The following TTN variants were observed in gnomAD, a reference collection of about 807,000 sequenced individuals.
TTN encodes the protein titin.
Under a neutral mutation model 3,223.0 loss-of-function variants are expected in TTN, and 1,525 were observed. The ratio of observed to expected loss-of-function variants is 0.47; its 90% confidence interval spans 0.45 to 0.49. The LOEUF is 0.49. Ranked by LOEUF, TTN falls within the 20% of genes least tolerant of loss-of-function variation. TTN has a pLI of 0.00. For missense variants in TTN, 40,786 were observed against 43,424.0 expected (o/e 0.94, Z 5.40); for synonymous variants, 14,094 against 15,161.0 (o/e 0.93, Z 5.17).
At position 178,727,293 on chromosome 2, in the gene TTN, A is replaced by G; in HGVS notation, c.20072T>C (p.Ile6691Thr). Residue 6691 changes from isoleucine (I) to threonine (T), a missense_variant, in exon 69 of 363, where the codon ATA becomes ACA. Transcript: ENST00000589042. The stretch of plus-strand genomic sequence containing the variant: ...AACTCTGATTTCTGGGGATCCAGCT[A>G]TCTTGCATTCAAGTCGTGAAGAGTC... Reference protein sequence around the residue: ...AGDSSRLECKIAGSPEIRVVW... With the variant: ...AGDSSRLECKTAGSPEIRVVW... 6.2e-7 allele frequency: 1 copy of G among 1,613,070 alleles called. No homozygotes were observed. Among genetic ancestry groups the G allele is most frequent in the Middle Eastern group, 1.7e-4 (1 of 6,052 alleles).
chr2:178,779,177 C>T (rs1287605481), intron 23 of TTN, 52 bp downstream of exon 23: 2 of 1,612,560 alleles, frequency 1.2e-6, no homozygotes, highest in Admixed American at 3.3e-5. Context: ...ATATTTTAAC[C>T]AATTTGTATC....
At chr2:178,642,112 C>A in intron 219 of TTN, 125 bp downstream of exon 219, 8 of 709,710 alleles carry the variant, frequency 1.1e-5, no homozygotes, top group South Asian at 7.3e-5. Flanking sequence ...AATGAAACTA[C>A]AAACAAATTT....
At position 178,557,901 on chromosome 2, in the gene TTN, A is replaced by T. The variant is rs755805590; in HGVS notation, c.87453T>A (p.Thr29151=). 5 of 1,613,610 alleles carry T rather than the reference A, an allele frequency of 3.1e-6. No individual in the cohort carries two copies. Among genetic ancestry groups the T allele is most frequent in the Non-Finnish European group, 4.2e-6 (5 of 1,179,846 alleles). ...CCCATTTGAGAGTCACACTTTCTTC[A>T]GTTATATCACTAATAACAACAGGGC... ...PTGPVVISDI[T]EESVTLKWEP... Residue 29151 remains threonine (T), a synonymous_variant, in exon 328 of 363, where the codon ACT becomes ACA. Coordinates refer to ENST00000589042, the MANE Select transcript of TTN (RefSeq NM_001267550.2).
chr2:178,751,731 C>A (rs754287881), intron 47 of TTN: 13 of 1,613,080 alleles, frequency 8.1e-6, no homozygotes, highest in Non-Finnish European at 1.0e-5. Context: ...TGGTGTAAAT[C>A]ACTCTCAGCT....
At position 178,683,971 on chromosome 2, in the gene TTN, T is replaced by A. The variant is rs763748674; in HGVS notation, c.32806+28A>T. 1.2e-5 allele frequency: 17 copies of A among 1,432,788 alleles called. No individual in the cohort carries two copies. The East Asian group carries it at 1.4e-4, about 12-fold the overall frequency. The allele number at this position is 1,432,788 out of a possible 1,614,324, so 88.8% of individuals were successfully genotyped here. A position where few individuals can be genotyped will look rare whatever the true frequency, so the allele number is the denominator to read the frequency against. On this transcript the variant is annotated intron_variant, in intron 133 of 362. Coordinates refer to ENST00000589042, the MANE Select transcript of TTN (RefSeq NM_001267550.2). ...TAGTGTCTGGATGCTTATTTTGATT[T>A]TTTTTTTTTTTTTAAGAGTCAGTAT...
chr2:178,598,882 G>T lies in TTN; in HGVS notation c.56828C>A (p.Thr18943Asn). The T allele has an allele frequency of 1.9e-6, 3 of 1,613,178 alleles. No homozygotes were observed. Among genetic ancestry groups the T allele is most frequent in the Non-Finnish European group, 2.5e-6 (3 of 1,179,512 alleles). Residue 18943 changes from threonine to asparagine, a missense_variant, in exon 291 of 363, where the codon ACT (threonine) becomes AAT (asparagine). Physicochemically the swap from Thr to Asn is moderately conservative, Grantham distance 65. Coordinates refer to ENST00000589042, the MANE Select transcript of TTN (RefSeq NM_001267550.2). ...AGTCACTTTATAAGAAACACCCAAA[G>T]TCATGGCTTTGATAGGATCTCGGTT... ...RVNRDPIKAM[T>N]LGVSYKVTGL... is the part of the protein sequence containing the mutation.
rs1384626629 is a variant in TTN at position 178,631,025 on chromosome 2, T to C, written c.44014+9A>G. Reference sequence around the variant, plus strand: ...GCTTCAAGAGTGAAACTCATGGAAATTTCCTTACCCTCAATGTCAAGTTTT... The same window carrying C: ...GCTTCAAGAGTGAAACTCATGGAAACTTCCTTACCCTCAATGTCAAGTTTT... On this transcript the variant is annotated intron_variant, in intron 237 of 362. Transcript: ENST00000589042. 1 of 1,612,884 alleles carries C rather than the reference T, an allele frequency of 6.2e-7. No individual in the cohort carries two copies. The highest frequency in any genetic ancestry group is 8.5e-7 in the Non-Finnish European group (1 of 1,179,494).
In TTN at chr2:178,723,933, G is replaced by A. The variant is rs368530326; in HGVS notation, c.21326C>T (p.Ser7109Leu). 51 of 1,613,526 alleles carry A rather than the reference G, an allele frequency of 3.2e-5. No homozygotes were observed. The highest frequency in any genetic ancestry group is 4.2e-5 in the Non-Finnish European group (50 of 1,179,592). Residue 7109 changes from serine to leucine, a missense_variant, in exon 73 of 363, where the codon TCA becomes TTA. Coordinates refer to ENST00000589042, the MANE Select transcript of TTN (RefSeq NM_001267550.2). Reference sequence around the variant, plus strand: ...CACGCATGTGTAATTGCCCATATCTGAGGAATCCAGAGAATTCAACTGCAA... The same window carrying A: ...CACGCATGTGTAATTGCCCATATCTAAGGAATCCAGAGAATTCAACTGCAA... Reference protein sequence around the residue: ...CTLQLNSLDSSDMGNYTCVAA... With the variant: ...CTLQLNSLDSLDMGNYTCVAA...
chr2:178,653,825 A>G lies in TTN; in HGVS notation c.38537T>C (p.Ile12846Thr). The stretch of plus-strand genomic sequence containing the variant: ...TCAGGGCTAAAGTGTACCTGGGACA[A>G]TTGGAGCTTCTGGTTTTTTGGGTGG... ...VAPPKKPEAPIVPVPEAQEVV... is the reference protein window; with the variant it reads ...VAPPKKPEAPTVPVPEAQEVV... Residue 12846 changes from isoleucine to threonine, a missense_variant, in exon 195 of 363, where the codon ATT (isoleucine) becomes ACT (threonine). Transcript: ENST00000589042. 6.3e-7 allele frequency: 1 copy of G among 1,594,006 alleles called. No homozygotes were observed. The highest frequency in any genetic ancestry group is 8.5e-7 in the Non-Finnish European group (1 of 1,178,962).
chr2:178,717,021 A>G (rs1457124396), intron 88 of TTN, 74 bp downstream of exon 88: 4 of 1,494,740 alleles, frequency 2.7e-6, no homozygotes, highest in Non-Finnish European at 2.7e-6. Flanking sequence ...CTCTCTCTCA[A>G]GCACACCCAC....
At position 178,603,279 on chromosome 2, in the gene TTN, T is replaced by C. The variant is rs189138311; in HGVS notation, c.54811+597A>G. Among the ~76,000 whole-genome samples, 277 of 152,124 alleles carry C rather than the reference T, an allele frequency of 1.8e-3. 5 individuals are homozygous for C. The South Asian group carries it at 0.024, about 13-fold the overall frequency. On this transcript the variant is annotated intron_variant, in intron 282 of 362. Coordinates refer to ENST00000589042, the MANE Select transcript of TTN (RefSeq NM_001267550.2). ...TATTTAAAATTTTCTTTTTAACAAA[T>C]AATTGAATTTTTCTTCTATAGAGAA...
chr2:178,695,974 T>A lies in TTN; in HGVS notation c.31098A>T (p.Glu10366Asp). ...VHEEWEEDFE[E>D]GQEYYEREEG... ...CTTCCCTTTCATAGTATTCTTGCCCTTCTTCAAAATCTTCTTCCCATTCCT... is the reference window on the plus strand; with the variant it reads ...CTTCCCTTTCATAGTATTCTTGCCCATCTTCAAAATCTTCTTCCCATTCCT... The change falls in exon 114 of 363, where the codon GAA becomes GAT. Residue 10366 changes from glutamate (E) to aspartate (D), a missense_variant. By Grantham distance (45) the Glu-to-Asp change is conservative. Transcript: ENST00000589042. The A allele has an allele frequency of 6.5e-7, 1 of 1,545,916 alleles. No individual in the cohort carries two copies. Among genetic ancestry groups the A allele is most frequent in the Non-Finnish European group, 8.7e-7 (1 of 1,144,916 alleles).
Position 178,575,403 on chromosome 2 carries a change from C to T in TTN, c.70729G>A (p.Asp23577Asn), listed in dbSNP as rs1343180009. ...ACGGTTGTGATGTGGGTCCACTGGT[C>T]AGAGCCTTTTCTTTGGGCTTCAATC... ...YVIEAQRKGS[D>N]QWTHITTVKG... The change falls in exon 326 of 363, where the codon GAC becomes AAC. Residue 23577 changes from aspartate (D) to asparagine (N), a missense_variant. Coordinates refer to ENST00000589042, the MANE Select transcript of TTN (RefSeq NM_001267550.2). This position sits in a 1 kb window ranked among gnomAD's most constrained non-coding sequence, Gnocchi z 4.0. 6.2e-7 allele frequency: 1 copy of T among 1,613,620 alleles called. No homozygotes were observed. The highest frequency in any genetic ancestry group is 1.7e-5 in the Admixed American group (1 of 60,008).
At chr2:178,796,848 C>A (rs1183959846) in intron 6 of TTN, among the ~76,000 whole-genome samples, 1 of 152,110 alleles carries the variant, frequency 6.6e-6, no homozygotes, top group Non-Finnish European at 1.5e-5. Flanking sequence ...TCTGTACTTA[C>A]AACAAAAAAT....
At position 178,558,349 on chromosome 2, in the gene TTN, T is replaced by C; in HGVS notation, c.87110A>G (p.Glu29037Gly). The C allele has an allele frequency of 6.2e-7, 1 of 1,611,122 alleles. No individual in the cohort carries two copies. Among genetic ancestry groups the C allele is most frequent in the East Asian group, 2.2e-5 (1 of 44,722 alleles). Residue 29037 changes from glutamate (E) to glycine (G), a missense_variant, in exon 327 of 363, where the codon GAG becomes GGG. Transcript: ENST00000589042. ...RELLLPVLIKEQLEPPEIDMK... is the reference protein window; with the variant it reads ...RELLLPVLIKGQLEPPEIDMK... ...CACAAAATTAGACATACCTAGTTGCTCCTTAATAAGAACAGGAAGCAGAAG... is the reference window on the plus strand; with the variant it reads ...CACAAAATTAGACATACCTAGTTGCCCCTTAATAAGAACAGGAAGCAGAAG...
chr2:178,608,167 G>A lies in TTN; in HGVS notation c.52705+11C>T. 2 of 1,600,814 alleles carry A rather than the reference G, an allele frequency of 1.2e-6. No individual in the cohort carries two copies. Among genetic ancestry groups the A allele is most frequent in the East Asian group, 2.3e-5 (1 of 44,318 alleles). On this transcript the variant is annotated intron_variant, in intron 275 of 362. Coordinates refer to ENST00000589042, the MANE Select transcript of TTN (RefSeq NM_001267550.2). The stretch of plus-strand genomic sequence containing the variant: ...TGTTCTACTCCACCTTCTTCTTAAG[G>A]AACTACTTACAGATTGGATCATGTG...
rs56145100 is a variant in TTN, at chr2:178,549,978, A to T, written c.91852+8T>A. ...AATTGTAGCATTAAGAAGCTATTTT[A>T]AAAGTACCTTGTACTTTCACTTTAA... On this transcript the variant is annotated splice_region_variant and intron_variant, in intron 337 of 362. Transcript: ENST00000589042. 36,411 of 1,596,054 alleles carry T rather than the reference A, an allele frequency of 0.023. 514 individuals carry two copies. The highest frequency in any genetic ancestry group is 0.061 in the East Asian group (2,738 of 44,574).
chr2:178,581,925 A>T lies in TTN; in HGVS notation c.66444T>A (p.Ala22148=). Residue 22148 remains alanine (A), a synonymous_variant, in exon 315 of 363, where the codon GCT becomes GCA. Coordinates refer to ENST00000589042, the MANE Select transcript of TTN (RefSeq NM_001267550.2). ...PGKPSDASKA[A]YARDPQYPPG... ...ACTTACACTGAGGGTCCCGAGCATA[A>T]GCGGCCTTGGATGCGTCACTGGGTT... 1.9e-6 allele frequency: 3 copies of T among 1,613,218 alleles called. No individual in the cohort carries two copies. In the South Asian group the frequency reaches 3.3e-5, roughly 18 times the overall value.
intron 47 of TTN, chr2:178,751,646 C>G (rs1284706228): frequency 6.2e-7 from 1 of 1,613,424 alleles, no homozygotes; most frequent in East Asian, 2.2e-5. Flanking sequence ...AGACCCTTCA[C>G]TATTAATTGC....
Sources: allele counts gnomAD v4.1 joint callset (sites outside exome capture counted in the v4.1 genomes callset), GRCh38; gene constraint gnomAD v4.1.1; non-coding constraint Gnocchi (gnomAD v3.1); transcripts MANE v1.5; gene names NCBI Gene and HGNC (gene_info 2026-07-23, HGNC 2026-07-21).